Variants in KSR2 observed in about 807,000 individuals in gnomAD.
KSR2 encodes kinase suppressor of ras 2.
KSR2 carries 25 observed loss-of-function variants against 107.8 expected under a neutral mutation model. The ratio of observed to expected loss-of-function variants is 0.23; its 90% confidence interval spans 0.17 to 0.32. The LOEUF is 0.32. KSR2 is among the 10% of genes least tolerant of loss of function. The pLI is 1.00. For missense variants in KSR2, 887 were observed against 1,268.9 expected (o/e 0.70, Z 4.57); for synonymous variants, 480 against 507.0 (o/e 0.95, Z 0.71).
At chr12:117,845,287 G>A (rs112361839) in intron 3 of KSR2, among the ~76,000 whole-genome samples, 1,914 of 152,254 alleles carry the variant, frequency 0.013, 39 homozygotes, top group African/African-American at 0.043. Context: ...ACAGACCCAC[G>A]CAGCCATGGG....
intron 3 of KSR2, among the ~76,000 whole-genome samples, chr12:117,828,772 G>A (rs78946962): frequency 8.5e-5 from 13 of 152,138 alleles, no homozygotes; most frequent in East Asian, 7.7e-4. Context: ...GAAACTTTCC[G>A]AGACCCTCTG....
At chr12:117,536,047 G>A (rs548179566) in intron 10 of KSR2, among the ~76,000 whole-genome samples, 8 of 152,062 alleles carry the variant, frequency 5.3e-5, no homozygotes, top group East Asian at 3.9e-4. Context: ...AAATACCACC[G>A]AGGCTGCACA....
chr12:117,929,137 C>T (rs183000306), intron 1 of KSR2, among the ~76,000 whole-genome samples: 4 of 152,304 alleles, frequency 2.6e-5, no homozygotes, highest in Admixed American at 2.6e-4. Context: ...TCAATTACTT[C>T]AGGTTAGAAA....
intron 5 of KSR2, among the ~76,000 whole-genome samples, chr12:117,663,015 T>C (rs1378850711): frequency 6.6e-6 from 1 of 151,756 alleles, no homozygotes; most frequent in Non-Finnish European, 1.5e-5. Flanking sequence ...AACAACAGAG[T>C]CTAGGTGGAG....
chr12:117,949,793 T>C (rs545258076), intron 1 of KSR2, among the ~76,000 whole-genome samples: 22 of 152,328 alleles, frequency 1.4e-4, no homozygotes, highest in Middle Eastern at 6.8e-3. Context: ...AAATGTTCTA[T>C]ATCTTGATGG....
At chr12:117,499,947 G>A (rs1468733147) in intron 14 of KSR2, among the ~76,000 whole-genome samples, 1 of 152,174 alleles carries the variant, frequency 6.6e-6, no homozygotes, top group Non-Finnish European at 1.5e-5. Context: ...AGTCAGCCGG[G>A]GTGGAGTGTG....
At chr12:117,561,693 A>AC (rs1200891047) in intron 7 of KSR2, among the ~76,000 whole-genome samples, 12 of 152,122 alleles carry the variant, frequency 7.9e-5, no homozygotes, top group African/African-American at 2.7e-4. Flanking sequence ...CTAAGATAAC[A>AC]CCTAACTCTT....
chr12:117,730,434 C>G (rs1242246106), intron 4 of KSR2, among the ~76,000 whole-genome samples: 1 of 151,628 alleles, frequency 6.6e-6, no homozygotes, highest in African/African-American at 2.4e-5. Flanking sequence ...CTCCCTCTCC[C>G]TCTCCTCTTT....
intron 5 of KSR2, among the ~76,000 whole-genome samples, chr12:117,585,869 G>A (rs538777943): frequency 3.9e-5 from 6 of 152,214 alleles, no homozygotes; most frequent in Non-Finnish European, 5.9e-5. Context: ...CTCAGGAGTA[G>A]AATAATAGAC....
intron 14 of KSR2, among the ~76,000 whole-genome samples, chr12:117,486,878 A>G (rs1279317831): frequency 6.6e-6 from 1 of 152,236 alleles, no homozygotes; most frequent in Non-Finnish European, 1.5e-5. Context: ...AAGAGTTGGA[A>G]ACAGGCCTTG....
intron 3 of KSR2, among the ~76,000 whole-genome samples, chr12:117,811,536 C>A (rs1891190794): frequency 6.6e-6 from 1 of 152,202 alleles, no homozygotes; most frequent in Non-Finnish European, 1.5e-5. Flanking sequence ...CTGATCCATG[C>A]TCAAGTTTGA....
At chr12:117,652,187 A>G (rs1829208) in intron 5 of KSR2, among the ~76,000 whole-genome samples, 14,096 of 152,138 alleles carry the variant, frequency 0.093, 962 homozygotes, top group East Asian at 0.3. Flanking sequence ...GAGGGATGAA[A>G]AGACTACAAA....
rs1175709475 is a variant in KSR2 at position 117,494,167 on chromosome 12, G to A, written c.2220-8476C>T. ...CTTCCCTTCCAGTATTCCAGGGAGTGAGATCCCCATCATGGAGTGACAACC... is the reference window on the plus strand; with the variant it reads ...CTTCCCTTCCAGTATTCCAGGGAGTAAGATCCCCATCATGGAGTGACAACC... On this transcript the variant is annotated intron_variant, in intron 14 of 19. Coordinates refer to ENST00000339824, the MANE Select transcript of KSR2 (RefSeq NM_173598.6). Among the ~76,000 whole-genome samples, 5 of 152,248 alleles carry A rather than the reference G, an allele frequency of 3.3e-5. No individual in the cohort carries two copies. The East Asian group carries it at 9.7e-4, about 29-fold the overall frequency.
intron 4 of KSR2, among the ~76,000 whole-genome samples, chr12:117,730,243 C>T (rs1887606291): frequency 6.6e-6 from 1 of 152,150 alleles, no homozygotes; most frequent in Non-Finnish European, 1.5e-5. Context: ...ATGTGATCTT[C>T]AGCAAGTTAT....
intron 5 of KSR2, among the ~76,000 whole-genome samples, chr12:117,612,276 C>A (rs1850402): frequency 6.6e-6 from 1 of 151,662 alleles, no homozygotes; most frequent in African/African-American, 2.4e-5. Context: ...TGGTGGTGCA[C>A]CCCTGTAGTC....
At chr12:117,810,850 G>A (rs1404770671) in intron 3 of KSR2, among the ~76,000 whole-genome samples, 2 of 152,132 alleles carry the variant, frequency 1.3e-5, no homozygotes, top group Non-Finnish European at 2.9e-5. Flanking sequence ...GAAATGAAAA[G>A]AGATGAGTAA....
Position 117,530,933 on chromosome 12 carries a change from T to C in KSR2, c.1802+8A>G, listed in dbSNP as rs371284936. The C allele has an allele frequency of 4.0e-5, 64 of 1,613,056 alleles. No homozygotes were observed. Among genetic ancestry groups the C allele is most frequent in the Non-Finnish European group, 5.3e-5 (62 of 1,179,272 alleles). ...GGGAAAGGGGGAAGATGTCTCTGTC[T>C]CACTTACATTGGATTCGAGGTCACC... On this transcript the variant is annotated splice_region_variant and intron_variant, in intron 12 of 19. Transcript: ENST00000339824.
intron 4 of KSR2, among the ~76,000 whole-genome samples, chr12:117,728,670 G>A (rs571595303): frequency 7.2e-5 from 11 of 152,206 alleles, no homozygotes; most frequent in East Asian, 1.9e-4. Flanking sequence ...GATAACGGCC[G>A]TGCCGCCCTC....
chr12:117,939,580 C>T (rs1351527062), intron 1 of KSR2, among the ~76,000 whole-genome samples: 4 of 151,966 alleles, frequency 2.6e-5, no homozygotes, highest in African/African-American at 9.7e-5. Context: ...GGCGTGGTGG[C>T]GGACGCCTGT....
Sources: gnomAD v4.1 joint callset for allele counts (sites outside exome capture counted in the v4.1 genomes callset) on GRCh38, gnomAD v4.1.1 for gene constraint, MANE v1.5 for transcripts, NCBI Gene and HGNC (gene_info 2026-07-23, HGNC 2026-07-21) for gene names.